The following TNFRSF19 variants were observed in gnomAD, a reference collection of about 807,000 sequenced individuals.
TNFRSF19 encodes TNF receptor superfamily member 19.
In TNFRSF19, 27 loss-of-function variants were observed where a neutral mutation model predicts 46.4. That is an observed-to-expected ratio of 0.58 (90% CI 0.43 to 0.80). The LOEUF is 0.80. TNFRSF19 is among the 30% of genes least tolerant of loss of function. The pLI is 0.00. For synonymous variants in TNFRSF19, 204 were observed against 205.0 expected (o/e 1.00, Z 0.04); for missense variants, 511 against 530.8 (o/e 0.96, Z 0.37).
chr13:23,657,436 A>G (rs1321090179), intron 5 of TNFRSF19, among the ~76,000 whole-genome samples: 1 of 152,132 alleles, frequency 6.6e-6, no homozygotes, highest in Non-Finnish European at 1.5e-5. Flanking sequence ...ACAGACCTTC[A>G]ATCTCTAGAG....
At chr13:23,607,495 G>T (rs1348296043) in intron 3 of TNFRSF19, among the ~76,000 whole-genome samples, 1 of 151,996 alleles carries the variant, frequency 6.6e-6, no homozygotes, top group Non-Finnish European at 1.5e-5. Flanking sequence ...CAAGTCTCAG[G>T]GCCCTTTTTG....
chr13:23,615,226 A>G (rs1374473934), intron 3 of TNFRSF19, among the ~76,000 whole-genome samples: 1 of 152,098 alleles, frequency 6.6e-6, no homozygotes, highest in Non-Finnish European at 1.5e-5. Flanking sequence ...TGTTTTGCCC[A>G]CTCTTGGAAA....
At chr13:23,586,515 CCCAG>C (rs1321660404) in intron 1 of TNFRSF19, among the ~76,000 whole-genome samples, 1 of 152,276 alleles carries the variant, frequency 6.6e-6, no homozygotes, top group African/African-American at 2.4e-5. Context: ...CAGAGGTCCG[CCCAG>C]CCAATCAGAG....
intron 9 of TNFRSF19, chr13:23,669,420 G>A (rs1041549598): frequency 3.8e-5 from 41 of 1,088,164 alleles, no homozygotes; most frequent in African/African-American, 2.8e-4. Context: ...GACAATTCCT[G>A]ACCTTCATTT....
rs560633824 is a variant in TNFRSF19 at position 23,613,764 on chromosome 13, C to T, written c.181-2103C>T. ...TGGGAGTGGGAGGCTCTCTCCTATA[C>T]TTCAGAAAGCCTGTGCCTGCACACA... On this transcript the variant is annotated intron_variant, in intron 3 of 9. Coordinates refer to ENST00000248484, the MANE Select transcript of TNFRSF19 (RefSeq NM_148957.4). Among the ~76,000 whole-genome samples, 6 of 152,322 alleles carry T rather than the reference C, an allele frequency of 3.9e-5. No homozygotes were observed. In the South Asian group the frequency reaches 1.2e-3, roughly 32 times the overall value.
intron 7 of TNFRSF19, among the ~76,000 whole-genome samples, chr13:23,665,476 C>A (rs911761722): frequency 3.3e-5 from 5 of 152,020 alleles, no homozygotes; most frequent in Non-Finnish European, 1.5e-5. Flanking sequence ...TTCCCTTTAA[C>A]TTTTTATTTT....
Position 23,615,953 on chromosome 13 carries a change from C to CA in TNFRSF19, c.269dup (p.Pro91AlafsTer21). 6.2e-7 allele frequency: 1 copy of CA among 1,614,000 alleles called. No homozygotes were observed. The highest frequency in any genetic ancestry group is 8.5e-7 in the Non-Finnish European group (1 of 1,179,912). On this transcript the variant is annotated frameshift_variant, in exon 4 of 10. Coordinates refer to ENST00000248484, the MANE Select transcript of TNFRSF19 (RefSeq NM_148957.4). LOFTEE classifies it high-confidence loss of function. ...AGGAGGACTGGGGCTTCCAGAAATGCAAGCCCTGTCTGGACTGCGCAGTGG... is the reference window on the plus strand; with the variant it reads ...AGGAGGACTGGGGCTTCCAGAAATGCAAAGCCCTGTCTGGACTGCGCAGTGG...
At chr13:23,605,799 T>G (rs971946293) in intron 3 of TNFRSF19, among the ~76,000 whole-genome samples, 4 of 151,974 alleles carry the variant, frequency 2.6e-5, no homozygotes, top group Admixed American at 6.6e-5. Context: ...TTGCCATGGG[T>G]AAGGGTGAGG....
At chr13:23,622,558 G>C (rs768777560) in intron 4 of TNFRSF19, among the ~76,000 whole-genome samples, 10 of 152,040 alleles carry the variant, frequency 6.6e-5, no homozygotes, top group Non-Finnish European at 1.3e-4. Context: ...GTCAGGGAAG[G>C]CTCAGACCTC....
chr13:23,668,149 C>A, intron 8 of TNFRSF19, 67 bp downstream of exon 8: 1 of 1,303,370 alleles, frequency 7.7e-7, no homozygotes, highest in Non-Finnish European at 1.1e-6. Flanking sequence ...ACTAATTTAC[C>A]GATTTTCATC....
intron 1 of TNFRSF19, among the ~76,000 whole-genome samples, chr13:23,586,846 G>A (rs117718436): frequency 0.011 from 1,619 of 152,240 alleles, 12 homozygotes; most frequent in Non-Finnish European, 0.017. Context: ...GCGTATTGTT[G>A]TTGAATAGCA....
At chr13:23,617,482 C>G (rs1001535080) in intron 4 of TNFRSF19, among the ~76,000 whole-genome samples, 1 of 152,120 alleles carries the variant, frequency 6.6e-6, no homozygotes, top group Non-Finnish European at 1.5e-5. Context: ...GGGGGGTGAT[C>G]TGTAAGGCAG....
At chr13:23,635,901 C>T (rs960574149) in intron 5 of TNFRSF19, among the ~76,000 whole-genome samples, 1 of 152,078 alleles carries the variant, frequency 6.6e-6, no homozygotes, top group Non-Finnish European at 1.5e-5. Flanking sequence ...GAAGATGCAT[C>T]ATTTTAAATG....
intron 4 of TNFRSF19, among the ~76,000 whole-genome samples, chr13:23,617,993 G>A (rs1881418594): frequency 6.6e-6 from 1 of 152,130 alleles, no homozygotes. Flanking sequence ...AGGAGATAAA[G>A]CTCTGGGCCT....
At chr13:23,581,438 G>T (rs1878425618) in intron 1 of TNFRSF19, among the ~76,000 whole-genome samples, 1 of 151,242 alleles carries the variant, frequency 6.6e-6, no homozygotes, top group African/African-American at 2.4e-5. Flanking sequence ...GAGCCACCGC[G>T]CCCGGCCGTC....
At chr13:23,586,264 A>G (rs1262305760) in intron 1 of TNFRSF19, among the ~76,000 whole-genome samples, 1 of 151,514 alleles carries the variant, frequency 6.6e-6, no homozygotes, top group East Asian at 1.9e-4. Flanking sequence ...TCTCAAAAAA[A>G]AAAAAAAAAA....
rs75536520 is a variant in TNFRSF19 at position 23,576,441 on chromosome 13, T to A, written c.-35+5593T>A. On this transcript the variant is annotated intron_variant, in intron 1 of 9. Transcript: ENST00000248484. ...AGCCACTGCACCCGGCCCACAGAAC[T>A]CTTTTTATACTACTATGGTGCTCAA... Among the ~76,000 whole-genome samples, 1,156 of 152,208 alleles carry A rather than the reference T, an allele frequency of 7.6e-3. 20 individuals are homozygous for A. Among genetic ancestry groups the A allele is most frequent in the African/African-American group, 0.026 (1,072 of 41,532 alleles).
At chr13:23,614,426 C>T (rs1881113168) in intron 3 of TNFRSF19, among the ~76,000 whole-genome samples, 1 of 152,048 alleles carries the variant, frequency 6.6e-6, no homozygotes, top group African/African-American at 2.4e-5. Flanking sequence ...ATTTCGTATA[C>T]AAATATGGAT....
intron 9 of TNFRSF19, 29 bp downstream of exon 9, chr13:23,669,126 C>CTT (rs1951709046): frequency 6.2e-7 from 1 of 1,606,522 alleles, no homozygotes; most frequent in African/African-American, 1.3e-5. Context: ...TCCCTGTGAA[C>CTT]ACAGCACTGA....
Sources: gnomAD v4.1 joint callset for allele counts (sites outside exome capture counted in the v4.1 genomes callset) on GRCh38, gnomAD v4.1.1 for gene constraint, MANE v1.5 for transcripts, NCBI Gene and HGNC (gene_info 2026-07-23, HGNC 2026-07-21) for gene names.